DPP6: variants seen among roughly 807,000 people sequenced by gnomAD.
DPP6 encodes the protein A-type potassium channel modulatory protein DPP6.
A neutral mutation model predicts 122.6 loss-of-function variants in DPP6; 69 were observed. The ratio of observed to expected loss-of-function variants is 0.56; its 90% CI spans 0.46 to 0.69. The LOEUF (loss-of-function observed/expected upper bound fraction) is 0.69, where lower values mean the gene tolerates loss of function less well. DPP6 is among the 30% of genes least tolerant of loss of function. The probability of loss-of-function intolerance (pLI) is 0.00; values close to 1 mark genes in which losing one functional copy is unlikely to be tolerated. For missense variants in DPP6, 928 were observed against 1,116.9 expected, an observed-to-expected ratio of 0.83 and a Z score of 2.41; for synonymous variants, 418 against 433.1, an observed-to-expected ratio of 0.97 and a Z score of 0.43.
intron 1 of DPP6, among the ~76,000 whole-genome samples, chr7:154,236,658 T>A (rs1801232910): frequency 6.6e-6 from 1 of 152,154 alleles, no homozygotes; most frequent in Non-Finnish European, 1.5e-5. Context: ...GCCAATCCAT[T>A]CCTTATGTGG....
intron 9 of DPP6, among the ~76,000 whole-genome samples, chr7:154,770,484 G>A (rs116807170): frequency 2.6e-5 from 4 of 152,128 alleles, no homozygotes; most frequent in Non-Finnish European, 5.9e-5. Flanking sequence ...AGAGACCCCA[G>A]AGAGACCCCT....
intron 3 of DPP6, among the ~76,000 whole-genome samples, chr7:154,520,985 C>T (rs193292105): frequency 3.3e-5 from 5 of 152,252 alleles, no homozygotes; most frequent in Admixed American, 6.5e-5. Flanking sequence ...ATTTCAAAGT[C>T]TTAAATTTTT....
chr7:153,982,632 T>A (rs1796643828), intron 1 of DPP6, among the ~76,000 whole-genome samples: 2 of 152,114 alleles, frequency 1.3e-5, no homozygotes, highest in Admixed American at 1.3e-4. Flanking sequence ...ATTCCGGTTT[T>A]TGGAATTTTC....
At chr7:154,320,901 C>A (rs1241459457) in intron 1 of DPP6, among the ~76,000 whole-genome samples, 1 of 152,124 alleles carries the variant, frequency 6.6e-6, no homozygotes, top group Non-Finnish European at 1.5e-5. Context: ...GCAAAGGGTA[C>A]TATTTATTCT....
Position 154,365,648 on chromosome 7 carries a change from G to C in DPP6, c.244-80566G>C, listed in dbSNP as rs887880385. ...CCTGGTCTTGCGGTTCACATTCACC[G>C]TCCTTCTTAAAAGTGGGGAAGGGGG... On this transcript the variant is annotated intron_variant, in intron 1 of 25. Coordinates refer to ENST00000377770, the MANE Select transcript of DPP6 (RefSeq NM_130797.4). Among the ~76,000 whole-genome samples the C allele has an allele frequency of 2.0e-5, 3 of 152,256 alleles. No individual in the cohort carries two copies. The South Asian group carries it at 6.2e-4, about 32-fold the overall frequency.
chr7:154,114,032 T>A (rs3112014), intron 1 of DPP6, among the ~76,000 whole-genome samples: 1 of 151,566 alleles, frequency 6.6e-6, no homozygotes, highest in Non-Finnish European at 1.5e-5. Context: ...ATAAAATTAT[T>A]TCTATTTGCG....
intron 1 of DPP6, among the ~76,000 whole-genome samples, chr7:153,940,919 C>G (rs773047085): frequency 6.6e-6 from 1 of 152,142 alleles, no homozygotes; most frequent in Non-Finnish European, 1.5e-5. Context: ...TCTCCTGTAG[C>G]GAAACCTGGA....
chr7:154,313,432 A>AG (rs1419280126), intron 1 of DPP6, among the ~76,000 whole-genome samples: 1 of 151,992 alleles, frequency 6.6e-6, no homozygotes, highest in Non-Finnish European at 1.5e-5. Context: ...AAGTTCTAGA[A>AG]GGGAGGGAGG....
intron 1 of DPP6, among the ~76,000 whole-genome samples, chr7:154,091,846 C>T (rs558376442): frequency 9.9e-5 from 15 of 152,212 alleles, no homozygotes; most frequent in Admixed American, 9.2e-4. Flanking sequence ...TTTTGTTCAT[C>T]GTGCAGCTTT....
At chr7:153,775,335 A>C in the DPP6 span, among the ~76,000 whole-genome samples, 1 of 146,926 alleles carries the variant, frequency 6.8e-6, no homozygotes, top group Non-Finnish European at 1.5e-5. Context: ...ATTTGAAAAT[A>C]AATTATAATA....
intron 1 of DPP6, among the ~76,000 whole-genome samples, chr7:154,385,428 G>T (rs975527258): frequency 2.6e-5 from 4 of 152,124 alleles, no homozygotes; most frequent in African/African-American, 9.7e-5. Context: ...ATCAGATTCC[G>T]CCTCCACAGT....
intron 1 of DPP6, among the ~76,000 whole-genome samples, chr7:154,131,214 T>C (rs1185572830): frequency 1.3e-5 from 2 of 152,216 alleles, no homozygotes; most frequent in Non-Finnish European, 2.9e-5. Context: ...TTACTTATCC[T>C]AAGATTTAGA....
chr7:154,296,579 C>A (rs555675817), intron 1 of DPP6, among the ~76,000 whole-genome samples: 8 of 152,312 alleles, frequency 5.3e-5, no homozygotes, highest in African/African-American at 1.9e-4. Context: ...AACGGCAGCA[C>A]TGTGATTACC....
chr7:153,977,359 G>A (rs1423727812), intron 1 of DPP6, among the ~76,000 whole-genome samples: 1 of 152,178 alleles, frequency 6.6e-6, no homozygotes. Flanking sequence ...AAGAGGAGGT[G>A]CACAGCTGTG....
Position 154,474,961 on chromosome 7 carries a change from A to G in DPP6, c.381A>G (p.Gln127=), listed in dbSNP as rs373192094. 3.8e-5 allele frequency: 62 copies of G among 1,613,736 alleles called. No homozygotes were observed. The highest frequency in any genetic ancestry group is 5.1e-5 in the Non-Finnish European group (60 of 1,179,710). Residue 127 remains glutamine (Q), a synonymous_variant, in exon 3 of 26, where the codon CAA becomes CAG. Transcript: ENST00000377770. ...TAGCGGAAGATAATAGTCTGTCTCA[A>G]AAGAAGAAGGTCACTGTAGAAGATC... ...LTPAEDNSLS[Q]KKKVTVEDLF...
chr7:154,305,335 T>TGGCGC, intron 1 of DPP6: 2 of 1,024,752 alleles, frequency 2.0e-6, no homozygotes, highest in Non-Finnish European at 2.4e-6. Context: ...TCGTCTTGTC[T>TGGCGC]ACCCACCCTC....
intron 1 of DPP6, among the ~76,000 whole-genome samples, chr7:154,129,873 C>G (rs984955051): frequency 5.1e-4 from 76 of 150,146 alleles, no homozygotes; most frequent in African/African-American, 1.7e-3. Flanking sequence ...GCACTCCAGC[C>G]TGGGTGACAG....
chr7:154,455,035 C>T (rs559484906), intron 2 of DPP6, among the ~76,000 whole-genome samples: 8 of 152,204 alleles, frequency 5.3e-5, no homozygotes, highest in South Asian at 2.1e-4. Flanking sequence ...ATTCAGTGCT[C>T]GTGGATATTG....
At chr7:153,810,743 C>T in the DPP6 span, among the ~76,000 whole-genome samples, 1 of 148,414 alleles carries the variant, frequency 6.7e-6, no homozygotes, top group Admixed American at 6.8e-5. Flanking sequence ...TATTCTATGG[C>T]ACATGCTTGA....
Sources: allele counts gnomAD v4.1 joint callset (sites outside exome capture counted in the v4.1 genomes callset), GRCh38; gene constraint gnomAD v4.1.1; transcripts MANE v1.5; gene names NCBI Gene and HGNC (gene_info 2026-07-23, HGNC 2026-07-21).